Variants in PML observed in about 807,000 individuals in gnomAD.
PML encodes PML nuclear body scaffold, also known as protein PML.
In PML, 28 loss-of-function variants were observed where a neutral mutation model predicts 65.2. The ratio of observed to expected loss-of-function variants is 0.43; its 90% CI spans 0.32 to 0.59. The LOEUF is 0.59. PML is among the 20% of genes least tolerant of loss of function. PML has a pLI of 0.08. For missense variants in PML, 1,021 were observed against 1,203.4 expected, an observed-to-expected ratio of 0.85 and a Z score of 2.24; for synonymous variants, 500 against 508.8, an observed-to-expected ratio of 0.98 and a Z score of 0.23.
In PML at chr15:74,043,275, G is replaced by A; in HGVS notation, c.1861+136G>A. The A allele has an allele frequency of 6.4e-7, 1 of 1,559,914 alleles. No individual in the cohort carries two copies. The highest frequency in any genetic ancestry group is 1.2e-5 in the South Asian group (1 of 85,184). ...AACAACTGCAGCCAGGCTGGGCAGAGCACTCCGGCTCACCTGGGCTCCTGG... is the reference window on the plus strand; with the variant it reads ...AACAACTGCAGCCAGGCTGGGCAGAACACTCCGGCTCACCTGGGCTCCTGG... On this transcript the variant is annotated intron_variant, in intron 8 of 8. Coordinates refer to ENST00000268058, the MANE Select transcript of PML (RefSeq NM_033238.3). The surrounding 1 kb of genome is among the most constrained non-coding windows in gnomAD (Gnocchi z 4.3).
chr15:74,009,914 C>G (rs1040594876), intron 2 of PML, among the ~76,000 whole-genome samples: 1 of 152,204 alleles, frequency 6.6e-6, no homozygotes, highest in African/African-American at 2.4e-5. Flanking sequence ...GCTCCGGTCT[C>G]ACTTCTCCTG....
chr15:73,996,244 T>C (rs1459629701), intron 1 of PML, among the ~76,000 whole-genome samples: 1 of 152,174 alleles, frequency 6.6e-6, no homozygotes, highest in Non-Finnish European at 1.5e-5. Context: ...GAGGGAAAGA[T>C]GGCTTGCCTC....
rs1291873261 is a variant in PML, at chr15:74,022,963, G to A, written c.738G>A (p.Ala246=). The part of the protein sequence containing the change: ...RQEELDAMTQ[A]LQEQDSAFGA... Reference sequence around the variant, plus strand: ...AGGAGCTGGACGCCATGACGCAGGCGCTGCAGGAGCAGGATAGTGCCTTTG... The same window carrying A: ...AGGAGCTGGACGCCATGACGCAGGCACTGCAGGAGCAGGATAGTGCCTTTG... Residue 246 remains alanine, a synonymous_variant, in exon 3 of 9, where the codon GCG becomes GCA. Transcript: ENST00000268058. 6.2e-7 allele frequency: 1 copy of A among 1,610,296 alleles called. No individual in the cohort carries two copies. The highest frequency in any genetic ancestry group is 8.5e-7 in the Non-Finnish European group (1 of 1,178,700).
At chr15:74,001,734 C>T (rs1233806766) in intron 2 of PML, among the ~76,000 whole-genome samples, 1 of 152,124 alleles carries the variant, frequency 6.6e-6, no homozygotes, top group Non-Finnish European at 1.5e-5. Flanking sequence ...CATAGTCAAT[C>T]ATTTCTCAAA....
intron 2 of PML, among the ~76,000 whole-genome samples, chr15:74,015,509 T>C (rs777310966): frequency 2.1e-4 from 32 of 152,198 alleles, no homozygotes; most frequent in Non-Finnish European, 3.8e-4. Flanking sequence ...TCCTATTTCA[T>C]AACATTTTTG....
At chr15:74,038,650 C>T (rs1473233895) in intron 7 of PML, among the ~76,000 whole-genome samples, 1 of 152,142 alleles carries the variant, frequency 6.6e-6, no homozygotes, top group East Asian at 1.9e-4. Flanking sequence ...CAAATTCCTA[C>T]TCCCCAGCTT....
chr15:74,006,747 C>T (rs766038571), intron 2 of PML, among the ~76,000 whole-genome samples: 27 of 152,128 alleles, frequency 1.8e-4, no homozygotes, highest in Non-Finnish European at 3.1e-4. Flanking sequence ...CACCAGAAAC[C>T]TGCTTGGCCT....
intron 2 of PML, among the ~76,000 whole-genome samples, chr15:74,008,738 C>CAA (rs550873482): frequency 4.7e-5 from 3 of 63,974 alleles, no homozygotes; most frequent in Non-Finnish European, 3.3e-5. Flanking sequence ...GACTGTGTCT[C>CAA]AAAAAAAAAA....
Position 74,037,754 on chromosome 15 carries a change from C to T in PML, c.1710+3224C>T. On this transcript the variant is annotated intron_variant, in intron 7 of 8. Coordinates refer to ENST00000268058, the MANE Select transcript of PML (RefSeq NM_033238.3). The surrounding 1 kb of genome is among the most constrained non-coding windows in gnomAD (Gnocchi z 4.2). ...CACTCCTCCCTCTCCTCTGCAGGCT[C>T]TGTTTTTTCTTGGTTGTGGTGCTCC... is the stretch of plus-strand genomic sequence containing the variant. 1 of 978,898 alleles carries T rather than the reference C, an allele frequency of 1.0e-6. No individual in the cohort carries two copies. The highest frequency in any genetic ancestry group is 1.2e-6 in the Non-Finnish European group (1 of 823,968). 60.6% of individuals were successfully genotyped at this position (978,898 alleles called of 1,614,324 possible).
At chr15:74,027,669 T>C (rs1008106909) in intron 4 of PML, 1 of 152,236 alleles carries the variant, frequency 6.6e-6, no homozygotes, top group Non-Finnish European at 1.5e-5. Flanking sequence ...GAGCCTGCAC[T>C]GTCTTGTGTG....
At chr15:74,032,841 A>G (rs2304716) in intron 5 of PML, 126 bp downstream of exon 5, 643,337 of 1,049,664 alleles carry the variant, frequency 0.61, 197,993 homozygotes, top group East Asian at 0.65. Flanking sequence ...GTGTTTGCTC[A>G]ACGCCTTCTC....
rs12438442 is a variant in PML, at chr15:74,043,464, C to T, written c.1861+325C>T. The T allele has an allele frequency of 0.1, 119,337 of 1,191,746 alleles. 6,167 individuals carry two copies. Among genetic ancestry groups the T allele is most frequent in the Non-Finnish European group, 0.1 (94,291 of 903,038 alleles). 73.8% of individuals were successfully genotyped at this position (1,191,746 alleles called of 1,614,324 possible). On this transcript the variant is annotated intron_variant, in intron 8 of 8. Coordinates refer to ENST00000268058, the MANE Select transcript of PML (RefSeq NM_033238.3). This position sits in a 1 kb window ranked among gnomAD's most constrained non-coding sequence, Gnocchi z 4.3. ...GAAACACAATGCGTGAGCTCATTGC[C>T]GTGAGCCCTGTCATCCAAGTAAGGC...
In PML at chr15:74,043,070, G is replaced by A. The variant is rs11272; in HGVS notation, c.1792G>A (p.Glu598Lys). The change falls in exon 8 of 9, where the codon GAG (glutamate) becomes AAG (lysine). Residue 598 changes from glutamate to lysine, a missense_variant. Transcript: ENST00000268058. This position sits in a 1 kb window ranked among gnomAD's most constrained non-coding sequence, Gnocchi z 4.3. The part of the protein sequence containing the change: ...EGPSTLRVLD[E>K]NLADPQAEDR... Reference sequence around the variant, plus strand: ...CCCCAGCACCCTCAGGGTCCTGGACGAGAACCTTGCTGACCCCCAAGCAGA... The same window carrying A: ...CCCCAGCACCCTCAGGGTCCTGGACAAGAACCTTGCTGACCCCCAAGCAGA... 47 of 1,613,478 alleles carry A rather than the reference G, an allele frequency of 2.9e-5. No homozygotes were observed. The highest frequency in any genetic ancestry group is 9.9e-5 in the South Asian group (9 of 91,014).
At chr15:74,003,752 A>G (rs916815039) in intron 2 of PML, among the ~76,000 whole-genome samples, 2 of 152,260 alleles carry the variant, frequency 1.3e-5, no homozygotes, top group Non-Finnish European at 2.9e-5. Flanking sequence ...AATTGGTTTC[A>G]TTGCTCATGA....
In PML at chr15:74,037,329, C is replaced by T. The variant is rs973695051; in HGVS notation, c.1710+2799C>T. 82 of 985,288 alleles carry T rather than the reference C, an allele frequency of 8.3e-5. No homozygotes were observed. The highest frequency in any genetic ancestry group is 9.5e-5 in the Non-Finnish European group (79 of 829,918). 61.0% of individuals were successfully genotyped at this position (985,288 alleles called of 1,614,324 possible). Reference sequence around the variant, plus strand: ...CCCCATCGCACCCCTTCCCTGCCCTCGTTAGGGTGGAAGGGATGTCCACCT... The same window carrying T: ...CCCCATCGCACCCCTTCCCTGCCCTTGTTAGGGTGGAAGGGATGTCCACCT... On this transcript the variant is annotated intron_variant, in intron 7 of 8. Transcript: ENST00000268058. The surrounding 1 kb of genome is among the most constrained non-coding windows in gnomAD (Gnocchi z 4.2).
chr15:74,008,343 A>G (rs1465826896), intron 2 of PML, among the ~76,000 whole-genome samples: 1 of 152,208 alleles, frequency 6.6e-6, no homozygotes, highest in Non-Finnish European at 1.5e-5. Context: ...CAGTGTTCTC[A>G]GCTTTCTCCT....
intron 1 of PML, among the ~76,000 whole-genome samples, chr15:73,997,136 A>G (rs544353229): frequency 6.6e-6 from 1 of 152,358 alleles, no homozygotes; most frequent in South Asian, 2.1e-4. Flanking sequence ...TGGTTGCAGA[A>G]AGCAACCAAC....
intron 2 of PML, among the ~76,000 whole-genome samples, chr15:74,019,656 T>C (rs1028899734): frequency 2.0e-5 from 3 of 152,214 alleles, no homozygotes; most frequent in African/African-American, 7.2e-5. Flanking sequence ...TAGCATCTGA[T>C]ACACACATTT....
chr15:74,033,708 G>T (rs2071421406), intron 6 of PML: 4 of 618,730 alleles, frequency 6.5e-6, no homozygotes, highest in African/African-American at 1.8e-5. Context: ...TCCACAAGAA[G>T]TTTGTTGGCT....
Sources: gnomAD v4.1 joint callset for allele counts (sites outside exome capture counted in the v4.1 genomes callset) on GRCh38, gnomAD v4.1.1 for gene constraint, Gnocchi (gnomAD v3.1) non-coding constraint, MANE v1.5 for transcripts, NCBI Gene and HGNC (gene_info 2026-07-23, HGNC 2026-07-21) for gene names.